The following JMJD1C variants were observed in gnomAD, a reference collection of about 807,000 sequenced individuals.
JMJD1C encodes the protein jumonji domain-containing protein 1C.
A neutral mutation model predicts 245.3 loss-of-function variants in JMJD1C; 31 were observed. The ratio of observed to expected loss-of-function variants is 0.13; its 90% CI spans 0.09 to 0.17. JMJD1C has a LOEUF of 0.17. JMJD1C is among the 10% of genes least tolerant of loss of function. JMJD1C has a pLI of 1.00. For missense variants in JMJD1C, 2,691 were observed against 3,000.2 expected, an observed-to-expected ratio of 0.90 and a Z score of 2.41; for synonymous variants, 1,057 against 1,017.4, an observed-to-expected ratio of 1.04 and a Z score of -0.74.
In JMJD1C at chr10:63,193,463, T is replaced by G; in HGVS notation, c.5744A>C (p.Asp1915Ala). Residue 1915 changes from aspartate to alanine, a missense_variant, in exon 15 of 26, where the codon GAT (aspartate) becomes GCT (alanine). Around this residue, in one of 9 missense-constraint regions of JMJD1C, gnomAD observed 139 missense variants for 270.5 expected, o/e 0.51. Transcript: ENST00000399262. Reference sequence around the variant, plus strand: ...AAGAGTGTGCATGGCATCTAGAAGATCTGTCAAAACTACAAAATAAAATGG... The same window carrying G: ...AAGAGTGTGCATGGCATCTAGAAGAGCTGTCAAAACTACAAAATAAAATGG... ...TQIIPGSVLTDLLDAMHTLRE... is the reference protein window; with the variant it reads ...TQIIPGSVLTALLDAMHTLRE... 1.3e-6 allele frequency: 2 copies of G among 1,586,800 alleles called. No individual in the cohort carries two copies. The highest frequency in any genetic ancestry group is 1.7e-6 in the Non-Finnish European group (2 of 1,165,272).
At chr10:63,401,051 G>C (rs1162046632) in intron 1 of JMJD1C, among the ~76,000 whole-genome samples, 4 of 151,030 alleles carry the variant, frequency 2.6e-5, no homozygotes, top group African/African-American at 9.8e-5. Flanking sequence ...TAGAGACGAA[G>C]TTTCGCCATG....
At chr10:63,319,255 T>TAAAAAAAAAA (rs59018554) in intron 2 of JMJD1C, among the ~76,000 whole-genome samples, 1 of 85,938 alleles carries the variant, frequency 1.2e-5, no homozygotes, top group East Asian at 3.7e-4. Context: ...AGACTCCATC[T>TAAAAAAAAAA]AAAAAAAAAA....
At chr10:63,290,697 T>C (rs1056700891) in intron 2 of JMJD1C, among the ~76,000 whole-genome samples, 2 of 152,204 alleles carry the variant, frequency 1.3e-5, no homozygotes, top group African/African-American at 4.8e-5. Context: ...TCTGAGGTAC[T>C]TATTTATGGA....
chr10:63,386,506 C>T lies in JMJD1C; in HGVS notation c.169-6024G>A, dbSNP rs117483792. On this transcript the variant is annotated intron_variant, in intron 1 of 25. Transcript: ENST00000399262. ...GACGGGTCTGCTCATCCAAGCTCAGCCCCCTCCAGTATGTAAGCACATTGC... is the reference window on the plus strand; with the variant it reads ...GACGGGTCTGCTCATCCAAGCTCAGTCCCCTCCAGTATGTAAGCACATTGC... Among the ~76,000 whole-genome samples, 988 of 152,326 alleles carry T rather than the reference C, an allele frequency of 6.5e-3. 4 individuals are homozygous for T. The highest frequency in any genetic ancestry group is 9.6e-3 in the Non-Finnish European group (656 of 68,032).
Position 63,328,295 on chromosome 10 carries a change from G to A in JMJD1C, c.333+52023C>T, listed in dbSNP as rs72835350. 4.4e-3 allele frequency among the ~76,000 whole-genome samples: 642 copies of A among 146,852 alleles called. 2 individuals carry two copies. Among genetic ancestry groups the A allele is most frequent in the Non-Finnish European group, 7.0e-3 (469 of 67,368 alleles). ...CATCTCAAAGAAAAAAAAAAAGAAA[G>A]AAAAGAAATATATAAAAATGCTATC... On this transcript the variant is annotated intron_variant, in intron 2 of 25. Transcript: ENST00000399262.
intron 2 of JMJD1C, among the ~76,000 whole-genome samples, chr10:63,323,201 T>C (rs10995502): frequency 0.047 from 7,179 of 152,154 alleles, 226 homozygotes; most frequent in Non-Finnish European, 0.069. Flanking sequence ...GAAAAGCCTG[T>C]TGGCCACAAC....
chr10:63,188,352 G>A (rs1844374440), intron 18 of JMJD1C, among the ~76,000 whole-genome samples: 1 of 152,032 alleles, frequency 6.6e-6, no homozygotes, highest in Non-Finnish European at 1.5e-5. Flanking sequence ...CTTTTTTTGG[G>A]GTGAAAGATT....
At chr10:63,299,318 G>C (rs1859811145) in intron 2 of JMJD1C, among the ~76,000 whole-genome samples, 4 of 151,254 alleles carry the variant, frequency 2.6e-5, no homozygotes, top group Admixed American at 2.6e-4. Context: ...AAGCATCTGG[G>C]ATTACAGGCC....
chr10:63,453,755 T>G (rs1231038321), intron 1 of JMJD1C, among the ~76,000 whole-genome samples: 1 of 152,196 alleles, frequency 6.6e-6, no homozygotes, highest in African/African-American at 2.4e-5. Flanking sequence ...TTGTTTTGTT[T>G]TGAGATAGAG....
intron 3 of JMJD1C, among the ~76,000 whole-genome samples, chr10:63,235,878 T>C (rs1392895389): frequency 6.6e-6 from 1 of 152,210 alleles, no homozygotes; most frequent in Non-Finnish European, 1.5e-5. Context: ...ATTAGGAATA[T>C]GGTCACATAA....
Position 63,284,018 on chromosome 10 carries a change from C to CT in JMJD1C, c.334-19255dup, listed in dbSNP as rs546311723. 6.8e-3 allele frequency among the ~76,000 whole-genome samples: 981 copies of CT among 144,690 alleles called. 8 individuals carry two copies. The highest frequency in any genetic ancestry group is 0.021 in the African/African-American group (815 of 39,670). The allele number at this position is 144,690 out of a possible 152,430, so 94.9% of individuals were successfully genotyped here. A position where few individuals can be genotyped will look rare whatever the true frequency, so the allele number is the denominator to read the frequency against. On this transcript the variant is annotated intron_variant, in intron 2 of 25. Coordinates refer to ENST00000399262, the MANE Select transcript of JMJD1C (RefSeq NM_032776.3). ...AGAGAATTTTCTGTTTTCTTTTCTT[C>CT]TTTTTTTTTTTGTTTTTTGGGAGGG...
At chr10:63,300,432 T>G (rs1220211641) in intron 2 of JMJD1C, among the ~76,000 whole-genome samples, 1 of 152,218 alleles carries the variant, frequency 6.6e-6, no homozygotes, top group Non-Finnish European at 1.5e-5. Context: ...ATGGTATTAT[T>G]GTTTCAAGAG....
At chr10:63,336,902 G>GT (rs1318148666) in intron 2 of JMJD1C, among the ~76,000 whole-genome samples, 3 of 152,112 alleles carry the variant, frequency 2.0e-5, no homozygotes, top group South Asian at 4.1e-4. Context: ...GTGCAGTTGC[G>GT]TGATTTTGGC....
chr10:63,240,917 T>C (rs940096157), intron 3 of JMJD1C, among the ~76,000 whole-genome samples: 1 of 152,158 alleles, frequency 6.6e-6, no homozygotes, highest in African/African-American at 2.4e-5. Flanking sequence ...AAAAATACAC[T>C]GTTTTCAGCA....
intron 2 of JMJD1C, among the ~76,000 whole-genome samples, chr10:63,342,102 C>T (rs1193221426): frequency 6.6e-6 from 1 of 152,174 alleles, no homozygotes; most frequent in Non-Finnish European, 1.5e-5. Flanking sequence ...CATCACTGTC[C>T]ATCAGTAAGC....
At chr10:63,200,976 G>C (rs755143758) in intron 10 of JMJD1C, among the ~76,000 whole-genome samples, 1 of 152,130 alleles carries the variant, frequency 6.6e-6, no homozygotes, top group East Asian at 1.9e-4. Context: ...ATGTATAATA[G>C]CAAACATAAG....
chr10:63,392,885 C>A (rs949067529), intron 1 of JMJD1C, among the ~76,000 whole-genome samples: 1 of 147,432 alleles, frequency 6.8e-6, no homozygotes, highest in Non-Finnish European at 1.5e-5. Context: ...CACACACACA[C>A]ACACACACAC....
chr10:63,511,223 G>A (rs1334762210), intron 1 of JMJD1C, among the ~76,000 whole-genome samples: 1 of 152,100 alleles, frequency 6.6e-6, no homozygotes, highest in East Asian at 1.9e-4. Flanking sequence ...TTCTGTGTGT[G>A]GCCCCTGTTC....
intron 1 of JMJD1C, among the ~76,000 whole-genome samples, chr10:63,449,463 T>G (rs2133001215): frequency 6.6e-6 from 1 of 152,136 alleles, no homozygotes; most frequent in East Asian, 1.9e-4. Context: ...GTAACTTTAT[T>G]AAGCCTATGA....
Sources: gnomAD v4.1 joint callset for allele counts (sites outside exome capture counted in the v4.1 genomes callset) on GRCh38, gnomAD v4.1.1 for gene constraint, gnomAD v4.1.1 regional missense constraint, MANE v1.5 for transcripts, NCBI Gene and HGNC (gene_info 2026-07-23, HGNC 2026-07-21) for gene names.